Variants in CTNNA1 observed in about 807,000 individuals in gnomAD.
CTNNA1 encodes the protein catenin alpha 1, also known as catenin alpha-1.
A neutral mutation model predicts 98.4 loss-of-function variants in CTNNA1; 37 were observed. That is an observed-to-expected ratio of 0.38 (90% CI 0.29 to 0.49). CTNNA1 has a LOEUF of 0.49. Ranked by LOEUF, CTNNA1 falls within the 20% of genes least tolerant of loss-of-function variation. CTNNA1 has a pLI of 0.95. For synonymous variants in CTNNA1, 404 were observed against 413.2 expected, an observed-to-expected ratio of 0.98 and a Z score of 0.27; for missense variants, 761 against 1,147.2, an observed-to-expected ratio of 0.66 and a Z score of 4.86.
chr5:138,825,481 A>ATTTTTTTTTTTTTTTTTTTTT (rs1561565679), intron 6 of CTNNA1, among the ~76,000 whole-genome samples: 2 of 21,336 alleles, frequency 9.4e-5, no homozygotes, highest in East Asian at 6.0e-3. Context: ...CAGCAGTATA[A>ATTTTTTTTTTTTTTTTTTTTT]GTTTTTTTTT....
chr5:138,887,343 T>A, intron 8 of CTNNA1, 147 bp from the exon 9 acceptor site: 1 of 548,636 alleles, frequency 1.8e-6, no homozygotes, highest in Non-Finnish European at 3.2e-6. Context: ...ATTATGTAAC[T>A]GCATGGCTTA....
chr5:138,874,956 C>G lies in CTNNA1; in HGVS notation c.1063-11256C>G. On this transcript the variant is annotated intron_variant, in intron 7 of 17. Coordinates refer to ENST00000302763, the MANE Select transcript of CTNNA1 (RefSeq NM_001903.5). This position sits in a 1 kb window ranked among gnomAD's most constrained non-coding sequence, Gnocchi z 4.1. Reference sequence around the variant, plus strand: ...GCTGCATTCAGTCGCGGTTGTTAGACTCAACGCAGTGAGTCTGTAAAAGGC... The same window carrying G: ...GCTGCATTCAGTCGCGGTTGTTAGAGTCAACGCAGTGAGTCTGTAAAAGGC... 6.2e-7 allele frequency: 1 copy of G among 1,611,496 alleles called. No homozygotes were observed. The highest frequency in any genetic ancestry group is 8.5e-7 in the Non-Finnish European group (1 of 1,178,276).
At chr5:138,915,533 T>G (rs1210824104) in intron 10 of CTNNA1, among the ~76,000 whole-genome samples, 3 of 152,222 alleles carry the variant, frequency 2.0e-5, no homozygotes, top group African/African-American at 7.2e-5. Context: ...CTCAAAAGTT[T>G]AAGCACAAAG....
intron 7 of CTNNA1, among the ~76,000 whole-genome samples, chr5:138,829,015 G>A (rs1157988716): frequency 1.3e-5 from 2 of 152,104 alleles, no homozygotes; most frequent in Non-Finnish European, 2.9e-5. Context: ...TCAGCTACTC[G>A]GGAGGCTGAG....
chr5:138,868,498 A>G (rs1310677735), intron 7 of CTNNA1, among the ~76,000 whole-genome samples: 2 of 152,160 alleles, frequency 1.3e-5, no homozygotes, highest in Non-Finnish European at 2.9e-5. Flanking sequence ...CCCCCAAGGT[A>G]GAGGCCAAGT....
rs1060504517 is a variant in CTNNA1, at chr5:138,932,619, G to C, written c.2340G>C (p.Leu780=). 3.1e-6 allele frequency: 5 copies of C among 1,614,014 alleles called. No individual in the cohort carries two copies. Among genetic ancestry groups the C allele is most frequent in the African/African-American group, 1.3e-5 (1 of 74,908 alleles). The change falls in exon 17 of 18, where the codon CTG becomes CTC. Residue 780 remains leucine (L), a synonymous_variant. Coordinates refer to ENST00000302763, the MANE Select transcript of CTNNA1 (RefSeq NM_001903.5). ...SACKQDLLAY[L]QRIALYCHQL... ...GCAAGCAGGACCTGCTGGCCTACCT[G>C]CAACGCATCGCCCTCTACTGCCACC...
intron 3 of CTNNA1, among the ~76,000 whole-genome samples, chr5:138,784,240 G>C (rs1755436961): frequency 6.6e-6 from 1 of 152,220 alleles, no homozygotes; most frequent in Admixed American, 6.5e-5. Flanking sequence ...TTCTTTTCCA[G>C]TCGGAGAATT....
At chr5:138,782,431 G>A (rs1755223340) in intron 2 of CTNNA1, 1 of 387,092 alleles carries the variant, frequency 2.6e-6, no homozygotes, top group South Asian at 1.9e-5. Context: ...TTTAGGTTTG[G>A]TATGCTACAA....
intron 1 of CTNNA1, among the ~76,000 whole-genome samples, chr5:138,776,667 CG>C (rs1267672133): frequency 6.9e-6 from 1 of 145,508 alleles, no homozygotes; most frequent in African/African-American, 2.5e-5. Context: ...GCTGGCCGGG[CG>C]GGGGGCTGAC....
chr5:138,827,810 C>A, intron 7 of CTNNA1, 92 bp downstream of exon 7: 3 of 1,466,334 alleles, frequency 2.0e-6, no homozygotes, highest in East Asian at 2.3e-5. Context: ...ACTATAAATA[C>A]CAAATATGTC....
intron 7 of CTNNA1, among the ~76,000 whole-genome samples, chr5:138,837,276 A>G (rs2149807347): frequency 6.6e-6 from 1 of 152,330 alleles, no homozygotes; most frequent in Middle Eastern, 3.4e-3. Flanking sequence ...TTGTGAAGGT[A>G]GAATTTGGAA....
At chr5:138,798,699 G>T (rs1158230276) in intron 3 of CTNNA1, among the ~76,000 whole-genome samples, 1 of 152,064 alleles carries the variant, frequency 6.6e-6, no homozygotes, top group African/African-American at 2.4e-5. Flanking sequence ...AAACTCCAGA[G>T]GAACTTATTT....
intron 7 of CTNNA1, among the ~76,000 whole-genome samples, chr5:138,859,608 T>C (rs1357876420): frequency 2.6e-5 from 4 of 152,216 alleles, no homozygotes; most frequent in Non-Finnish European, 5.9e-5. Flanking sequence ...TTTCTTGGTA[T>C]TCAGTTAGTT....
At chr5:138,845,194 G>A (rs1561586082) in intron 7 of CTNNA1, among the ~76,000 whole-genome samples, 2 of 152,056 alleles carry the variant, frequency 1.3e-5, no homozygotes, top group Non-Finnish European at 2.9e-5. Context: ...CATTTTCTTA[G>A]GCCCACGAAA....
At chr5:138,791,029 G>A (rs1320621885) in intron 3 of CTNNA1, 3 of 152,164 alleles carry the variant, frequency 2.0e-5, no homozygotes, top group Non-Finnish European at 2.9e-5. Flanking sequence ...CAGATGGCCA[G>A]AAGGTGAAGA....
intron 1 of CTNNA1, among the ~76,000 whole-genome samples, chr5:138,776,211 C>T (rs1754149127): frequency 2.0e-5 from 3 of 151,624 alleles, no homozygotes; most frequent in African/African-American, 7.3e-5. Flanking sequence ...GTGTTTGTGT[C>T]CCTGGGTACT....
intron 13 of CTNNA1, among the ~76,000 whole-genome samples, chr5:138,926,469 C>G (rs1470275212): frequency 1.3e-5 from 2 of 152,184 alleles, no homozygotes; most frequent in African/African-American, 4.8e-5. Context: ...AGGCGTCCAC[C>G]CACCCACCCA....
chr5:138,931,134 G>A (rs1477239720), intron 16 of CTNNA1, 199 bp downstream of exon 16: 1 of 570,520 alleles, frequency 1.8e-6, no homozygotes, highest in Non-Finnish European at 3.2e-6. Context: ...CCATCGCTTG[G>A]TAGCCAAAAT....
chr5:138,803,234 A>G (rs924394559), intron 3 of CTNNA1, among the ~76,000 whole-genome samples: 1 of 151,610 alleles, frequency 6.6e-6, no homozygotes, highest in African/African-American at 2.4e-5. Context: ...GCTCACTGCA[A>G]CCTTGGCTTC....
Sources: allele counts gnomAD v4.1 joint callset (sites outside exome capture counted in the v4.1 genomes callset), GRCh38; gene constraint gnomAD v4.1.1; non-coding constraint Gnocchi (gnomAD v3.1); transcripts MANE v1.5; gene names NCBI Gene and HGNC (gene_info 2026-07-23, HGNC 2026-07-21).